TAFA5: variants seen among roughly 807,000 people sequenced by gnomAD.
TAFA5 encodes the protein chemokine-like protein TAFA-5.
In TAFA5, 6 loss-of-function variants were observed where a neutral mutation model predicts 15.3. The observed-to-expected ratio is 0.39, with a 90% CI of 0.21 to 0.77. TAFA5 has a LOEUF of 0.77. Among genes scored for constraint, TAFA5 ranks in the 30% least tolerant of loss-of-function variants. The probability of loss-of-function intolerance (pLI) is 0.41; values close to 1 mark genes in which losing one functional copy is unlikely to be tolerated. For missense variants in TAFA5, 161 were observed against 193.1 expected (o/e 0.83, Z 0.98); for synonymous variants, 103 against 80.7 (o/e 1.28, Z -1.48).
intron 1 of TAFA5, among the ~76,000 whole-genome samples, chr22:48,629,777 A>G (rs929797332): frequency 6.6e-6 from 1 of 152,208 alleles, no homozygotes; most frequent in Non-Finnish European, 1.5e-5. Context: ...GACGGTCCCT[A>G]GCACAGAGTC....
chr22:48,659,638 C>G (rs113447355), intron 2 of TAFA5, among the ~76,000 whole-genome samples: 1 of 150,912 alleles, frequency 6.6e-6, no homozygotes, highest in African/African-American at 2.4e-5. Context: ...CACTTGTTCT[C>G]GCCCTGTCCT....
intron 3 of TAFA5, among the ~76,000 whole-genome samples, chr22:48,726,105 C>T (rs1021878105): frequency 1.3e-5 from 2 of 152,180 alleles, no homozygotes; most frequent in Non-Finnish European, 2.9e-5. Context: ...CTCAGTGAGA[C>T]TTAGAACCAG....
chr22:48,491,118 A>C (rs1260465684), intron 1 of TAFA5, among the ~76,000 whole-genome samples: 1 of 152,140 alleles, frequency 6.6e-6, no homozygotes, highest in Non-Finnish European at 1.5e-5. Flanking sequence ...AGACGAGGCC[A>C]CCGTGGGTGC....
intron 3 of TAFA5, among the ~76,000 whole-genome samples, chr22:48,744,467 A>G (rs1930269987): frequency 6.6e-6 from 1 of 152,182 alleles, no homozygotes; most frequent in Non-Finnish European, 1.5e-5. Flanking sequence ...GGCCCTCCCC[A>G]GGCCATGACC....
rs542860155 is a variant in TAFA5 at position 48,570,971 on chromosome 22, G to A, written c.113-75626G>A. On this transcript the variant is annotated intron_variant, in intron 1 of 3. Coordinates refer to ENST00000402357, the MANE Select transcript of TAFA5 (RefSeq NM_001082967.3). Reference sequence around the variant, plus strand: ...TTTCTACTTCTAGAGAGTCAAATGTGCTAAATTTTCCTTTATCCCATATCT... The same window carrying A: ...TTTCTACTTCTAGAGAGTCAAATGTACTAAATTTTCCTTTATCCCATATCT... Among the ~76,000 whole-genome samples, 3 of 152,266 alleles carry A rather than the reference G, an allele frequency of 2.0e-5. No homozygotes were observed. In the East Asian group the frequency reaches 5.8e-4, roughly 29 times the overall value.
chr22:48,648,157 T>G (rs1926931807), intron 2 of TAFA5, among the ~76,000 whole-genome samples: 1 of 152,156 alleles, frequency 6.6e-6, no homozygotes, highest in African/African-American at 2.4e-5. Flanking sequence ...CCTGGCGCAG[T>G]GCTCACTGGC....
At chr22:48,526,644 A>G (rs2147110237) in intron 1 of TAFA5, among the ~76,000 whole-genome samples, 1 of 152,318 alleles carries the variant, frequency 6.6e-6, no homozygotes, top group Non-Finnish European at 1.5e-5. Flanking sequence ...AGAAGAGACA[A>G]TGTCCCTGAG....
At chr22:48,640,382 C>T (rs888113625) in intron 1 of TAFA5, among the ~76,000 whole-genome samples, 7 of 152,210 alleles carry the variant, frequency 4.6e-5, no homozygotes, top group African/African-American at 7.2e-5. Flanking sequence ...CCACGGCCTG[C>T]GGAAGCTCCT....
chr22:48,659,307 G>A lies in TAFA5; in HGVS notation c.262+12561G>A, dbSNP rs1357595297. 2.6e-5 allele frequency among the ~76,000 whole-genome samples: 4 copies of A among 152,238 alleles called. No individual in the cohort carries two copies. The East Asian group carries it at 7.7e-4, about 29-fold the overall frequency. ...TGGCCATGGAGCCAGGAGGTCTACG[G>A]GGACCGTCTTGTGGAGGGAGGGAGA... is the stretch of plus-strand genomic sequence containing the variant. On this transcript the variant is annotated intron_variant, in intron 2 of 3. Coordinates refer to ENST00000402357, the MANE Select transcript of TAFA5 (RefSeq NM_001082967.3).
At chr22:48,736,147 G>C (rs111566589) in intron 3 of TAFA5, among the ~76,000 whole-genome samples, 1 of 18,058 alleles carries the variant, frequency 5.5e-5, no homozygotes, top group Admixed American at 7.0e-4. Flanking sequence ...AATGAGAATC[G>C]CACTCCTAGA....
chr22:48,715,419 G>A (rs1019720068), intron 3 of TAFA5, among the ~76,000 whole-genome samples: 49 of 152,312 alleles, frequency 3.2e-4, no homozygotes, highest in Non-Finnish European at 5.4e-4. Context: ...CTCAGAGACA[G>A]CGGACATGCA....
At chr22:48,627,690 C>T (rs1463886330) in intron 1 of TAFA5, among the ~76,000 whole-genome samples, 2 of 152,228 alleles carry the variant, frequency 1.3e-5, no homozygotes, top group Non-Finnish European at 2.9e-5. Flanking sequence ...CAAAATGAGA[C>T]ACTCACACCC....
intron 1 of TAFA5, among the ~76,000 whole-genome samples, chr22:48,615,739 G>A (rs112676729): frequency 6.6e-6 from 1 of 152,282 alleles, no homozygotes; most frequent in Non-Finnish European, 1.5e-5. Flanking sequence ...GACAAGAAAG[G>A]CAATGCCTCT....
chr22:48,509,742 A>G (rs954682523), intron 1 of TAFA5, among the ~76,000 whole-genome samples: 17 of 152,062 alleles, frequency 1.1e-4, no homozygotes, highest in South Asian at 2.1e-4. Flanking sequence ...ACGAGGTCAG[A>G]AGATCGAGAC....
At chr22:48,671,420 C>T (rs1927801260) in intron 2 of TAFA5, among the ~76,000 whole-genome samples, 1 of 152,236 alleles carries the variant, frequency 6.6e-6, no homozygotes, top group Non-Finnish European at 1.5e-5. Context: ...GAAAGTGGTG[C>T]TGGCTTGCTG....
chr22:48,518,491 A>G (rs1030493485), intron 1 of TAFA5, among the ~76,000 whole-genome samples: 3 of 152,150 alleles, frequency 2.0e-5, no homozygotes, highest in African/African-American at 7.2e-5. Context: ...ATAGCTGCCC[A>G]TGCCCTCAGG....
intron 1 of TAFA5, among the ~76,000 whole-genome samples, chr22:48,642,159 C>T (rs977085213): frequency 4.6e-5 from 7 of 151,622 alleles, no homozygotes; most frequent in African/African-American, 1.5e-4. Flanking sequence ...TGCTTTGCTG[C>T]GTGGGGCAGC....
At chr22:48,679,742 T>C (rs1197788279) in intron 2 of TAFA5, among the ~76,000 whole-genome samples, 3 of 54,510 alleles carry the variant, frequency 5.5e-5, no homozygotes, top group Non-Finnish European at 9.8e-5. Context: ...ATCCCTCTCC[T>C]GGCTCCCCAG....
intron 1 of TAFA5, among the ~76,000 whole-genome samples, chr22:48,562,422 G>C (rs1923267120): frequency 6.6e-6 from 1 of 152,230 alleles, no homozygotes; most frequent in Non-Finnish European, 1.5e-5. Context: ...ACAGGCGTGA[G>C]CCACCGCGCC....
Sources: gnomAD v4.1 joint callset for allele counts (sites outside exome capture counted in the v4.1 genomes callset) on GRCh38, gnomAD v4.1.1 for gene constraint, MANE v1.5 for transcripts, NCBI Gene and HGNC (gene_info 2026-07-23, HGNC 2026-07-21) for gene names.